SMG6: variants seen among roughly 807,000 people sequenced by gnomAD.
SMG6 encodes the protein SMG6 nonsense mediated mRNA decay factor.
Under a neutral mutation model 142.2 loss-of-function variants are expected in SMG6, and 66 were observed. That is an observed-to-expected ratio of 0.46 (90% CI 0.38 to 0.57). The LOEUF (loss-of-function observed/expected upper bound fraction) is 0.57. Among genes scored for constraint, SMG6 ranks in the 20% least tolerant of loss-of-function variants. The pLI is 0.00. For synonymous variants in SMG6, 779 were observed against 702.4 expected (o/e 1.11, Z -1.72); for missense variants, 1,793 against 1,832.0 (o/e 0.98, Z 0.39).
chr17:2,198,927 C>A (rs2072419714), intron 10 of SMG6, among the ~76,000 whole-genome samples: 1 of 107,270 alleles, frequency 9.3e-6, no homozygotes, highest in Non-Finnish European at 1.8e-5. Context: ...TCAGGGGCAA[C>A]CAGAAGGAAA....
intron 13 of SMG6, among the ~76,000 whole-genome samples, chr17:2,142,622 G>A (rs926465117): frequency 2.0e-5 from 3 of 152,050 alleles, no homozygotes; most frequent in African/African-American, 2.4e-5. Context: ...AGTGGCTCAC[G>A]CCTGTAATCC....
chr17:2,065,344 C>T, intron 17 of SMG6, 124 bp downstream of exon 17: 5 of 1,044,926 alleles, frequency 4.8e-6, no homozygotes, highest in Non-Finnish European at 7.1e-6. Context: ...ACTCCCCCAC[C>T]TGGGCCTCCA....
At chr17:2,256,975 T>TG (rs200177165) in intron 8 of SMG6, among the ~76,000 whole-genome samples, 3 of 151,666 alleles carry the variant, frequency 2.0e-5, no homozygotes, top group East Asian at 1.9e-4. Context: ...TATGTATGTA[T>TG]TTATTTATTT....
chr17:2,106,061 C>T (rs752319105), intron 13 of SMG6, among the ~76,000 whole-genome samples: 6 of 152,140 alleles, frequency 3.9e-5, no homozygotes, highest in African/African-American at 4.8e-5. Flanking sequence ...TATCTGGCAA[C>T]GCTTGATCTT....
chr17:2,113,968 C>T (rs1177664361), intron 13 of SMG6, among the ~76,000 whole-genome samples: 1 of 152,202 alleles, frequency 6.6e-6, no homozygotes, highest in Non-Finnish European at 1.5e-5. Context: ...AAACTCATTT[C>T]TTAAAAACTA....
Position 2,113,007 on chromosome 17 carries a change from C to T in SMG6, c.3358-27106G>A, listed in dbSNP as rs146102731. ...TCCTGAGCTCAAGTGATCTACTGGC[C>T]TCAGCTTCCCAAAGTGCTGGGATTA... On this transcript the variant is annotated intron_variant, in intron 13 of 18. Coordinates refer to ENST00000263073, the MANE Select transcript of SMG6 (RefSeq NM_017575.5). Among the ~76,000 whole-genome samples, 25 of 152,094 alleles carry T rather than the reference C, an allele frequency of 1.6e-4. 1 individual carries two copies. The highest frequency in any genetic ancestry group is 6.0e-4 in the African/African-American group (25 of 41,480).
chr17:2,253,535 C>CA (rs2074096691), intron 8 of SMG6, among the ~76,000 whole-genome samples: 1 of 152,154 alleles, frequency 6.6e-6, no homozygotes, highest in African/African-American at 2.4e-5. Context: ...AGCTACCACA[C>CA]ACGTGTACTG....
intron 10 of SMG6, among the ~76,000 whole-genome samples, chr17:2,230,378 C>A (rs2073455155): frequency 1.6e-5 from 2 of 121,220 alleles, no homozygotes; most frequent in Non-Finnish European, 1.7e-5. Flanking sequence ...TATAAAACGG[C>A]AAAAGAAACG....
Position 2,112,371 on chromosome 17 carries a change from C to G in SMG6, c.3358-26470G>C, listed in dbSNP as rs371702149. ...TACAAAAAAAAAATTAGCCAGGCGT[C>G]GTGGCGGGCGTCTGGAGTCCCAGCT... On this transcript the variant is annotated intron_variant, in intron 13 of 18. Coordinates refer to ENST00000263073, the MANE Select transcript of SMG6 (RefSeq NM_017575.5). 2.0e-3 allele frequency among the ~76,000 whole-genome samples: 297 copies of G among 151,120 alleles called. 1 individual carries two copies. The highest frequency in any genetic ancestry group is 0.01 in the South Asian group (50 of 4,792).
intron 8 of SMG6, among the ~76,000 whole-genome samples, chr17:2,279,444 CAAG>C (rs2074734287): frequency 6.6e-6 from 1 of 152,184 alleles, no homozygotes; most frequent in Admixed American, 6.5e-5. Context: ...TAAACACTTT[CAAG>C]AAGGCAGTGG....
chr17:2,179,698 G>A (rs1406698589), intron 12 of SMG6, among the ~76,000 whole-genome samples: 1 of 152,138 alleles, frequency 6.6e-6, no homozygotes. Flanking sequence ...GTGAAACGCG[G>A]GCTCTCCAGA....
At chr17:2,115,032 G>T (rs1567609180) in intron 13 of SMG6, among the ~76,000 whole-genome samples, 1 of 151,058 alleles carries the variant, frequency 6.6e-6, no homozygotes, top group Admixed American at 6.6e-5. Flanking sequence ...GGCACAACTG[G>T]ATCCTACCAG....
At chr17:2,069,923 T>C (rs1567571243) in intron 15 of SMG6, among the ~76,000 whole-genome samples, 1 of 152,266 alleles carries the variant, frequency 6.6e-6, no homozygotes, top group Non-Finnish European at 1.5e-5. Context: ...GTCACTTTTT[T>C]TCTTAGCCTC....
intron 10 of SMG6, among the ~76,000 whole-genome samples, chr17:2,230,213 A>G (rs1160522355): frequency 4.6e-5 from 5 of 109,814 alleles, no homozygotes; most frequent in Non-Finnish European, 9.1e-5. Context: ...AAAAAAAAAA[A>G]AAAAAAAAGG....
At chr17:2,282,314 C>T (rs1329453001) in intron 8 of SMG6, among the ~76,000 whole-genome samples, 1 of 147,134 alleles carries the variant, frequency 6.8e-6, no homozygotes, top group East Asian at 2.0e-4. Context: ...ATAAGGTCAA[C>T]CAAGAGGAAA....
In SMG6 at chr17:2,271,541, C is replaced by G. The variant is rs1319214906; in HGVS notation, c.2661+11106G>C. Among the ~76,000 whole-genome samples, 3 of 151,808 alleles carry G rather than the reference C, an allele frequency of 2.0e-5. No individual in the cohort carries two copies. In the East Asian group the frequency reaches 5.9e-4, roughly 30 times the overall value. ...CCAGCCTGGCCAACACGGTGAAACC[C>G]CGTCTCTCCTAAAAACTACAAAAAT... On this transcript the variant is annotated intron_variant, in intron 8 of 18. Coordinates refer to ENST00000263073, the MANE Select transcript of SMG6 (RefSeq NM_017575.5).
chr17:2,248,917 T>G (rs556682659), intron 8 of SMG6, among the ~76,000 whole-genome samples: 1 of 151,976 alleles, frequency 6.6e-6, no homozygotes, highest in South Asian at 2.1e-4. Flanking sequence ...GACAGAGTCT[T>G]GCTCTTTCAC....
chr17:2,155,097 G>A (rs1204804581), intron 13 of SMG6, among the ~76,000 whole-genome samples: 2 of 148,530 alleles, frequency 1.3e-5, no homozygotes, highest in Non-Finnish European at 3.0e-5. Flanking sequence ...CCATCACCCA[G>A]GCTGGAGTGC....
chr17:2,216,196 C>T (rs771229304), intron 10 of SMG6, among the ~76,000 whole-genome samples: 17 of 152,092 alleles, frequency 1.1e-4, no homozygotes, highest in Non-Finnish European at 1.8e-4. Context: ...GCAGGTACCA[C>T]GATGGTAAAG....
Sources: gnomAD v4.1 joint callset for allele counts (sites outside exome capture counted in the v4.1 genomes callset) on GRCh38, gnomAD v4.1.1 for gene constraint, MANE v1.5 for transcripts, NCBI Gene and HGNC (gene_info 2026-07-23, HGNC 2026-07-21) for gene names.